The following SPATS2 variants were observed in gnomAD, a reference collection of about 807,000 sequenced individuals.
SPATS2 encodes the protein spermatogenesis associated serine rich 2.
In SPATS2, 38 loss-of-function variants were observed where a neutral mutation model predicts 63.7. That is an observed-to-expected ratio of 0.60 (90% CI 0.46 to 0.78). The LOEUF (loss-of-function observed/expected upper bound fraction) is 0.78, where lower values mean the gene tolerates loss of function less well. Among genes scored for constraint, SPATS2 ranks in the 30% least tolerant of loss-of-function variants. SPATS2 has a pLI of 0.00. For synonymous variants in SPATS2, 207 were observed against 232.9 expected, an observed-to-expected ratio of 0.89 and a Z score of 1.01; for missense variants, 588 against 666.2, an observed-to-expected ratio of 0.88 and a Z score of 1.29.
At chr12:49,513,268 G>A (rs1240857082) in intron 9 of SPATS2, among the ~76,000 whole-genome samples, 1 of 151,934 alleles carries the variant, frequency 6.6e-6, no homozygotes, top group Admixed American at 6.6e-5. Context: ...AACAAGAGTG[G>A]AACTTTTATT....
At chr12:49,389,944 AAT>A in intron 2 of SPATS2, 1 of 804,264 alleles carries the variant, frequency 1.2e-6, no homozygotes. Context: ...AGATAAATGA[AAT>A]ATGGCAGCAG....
At chr12:49,410,915 G>A (rs753116374) in intron 2 of SPATS2, among the ~76,000 whole-genome samples, 3 of 151,056 alleles carry the variant, frequency 2.0e-5, no homozygotes, top group Non-Finnish European at 4.4e-5. Context: ...GTGAGTTTTA[G>A]TGTGTTCCTG....
At chr12:49,426,926 A>C (rs1945088254) in intron 2 of SPATS2, among the ~76,000 whole-genome samples, 1 of 152,156 alleles carries the variant, frequency 6.6e-6, no homozygotes, top group Non-Finnish European at 1.5e-5. Flanking sequence ...TGGTTTTTGG[A>C]CTTACAGATA....
At chr12:49,368,900 G>A (rs923279342) in intron 1 of SPATS2, among the ~76,000 whole-genome samples, 2 of 152,070 alleles carry the variant, frequency 1.3e-5, no homozygotes, top group African/African-American at 4.8e-5. Flanking sequence ...GCTAGGTCTT[G>A]GATGGTAGCA....
intron 2 of SPATS2, among the ~76,000 whole-genome samples, chr12:49,391,737 A>G (rs1484917595): frequency 1.3e-5 from 2 of 152,150 alleles, no homozygotes; most frequent in African/African-American, 2.4e-5. Flanking sequence ...CTTTGAGTAT[A>G]TAATTTTTTA....
intron 3 of SPATS2, among the ~76,000 whole-genome samples, chr12:49,479,320 C>T (rs1222299735): frequency 3.3e-5 from 5 of 152,236 alleles, no homozygotes; most frequent in African/African-American, 9.6e-5. Context: ...CCCCCTTCTG[C>T]CCAAGAATCT....
At chr12:49,440,617 C>CA (rs973304488) in intron 2 of SPATS2, among the ~76,000 whole-genome samples, 10 of 152,006 alleles carry the variant, frequency 6.6e-5, no homozygotes, top group Admixed American at 2.6e-4. Context: ...GACAGGCGCA[C>CA]ACCACCACGG....
intron 2 of SPATS2, among the ~76,000 whole-genome samples, chr12:49,456,337 A>G (rs2137647605): frequency 1.3e-5 from 2 of 152,346 alleles, no homozygotes; most frequent in South Asian, 4.1e-4. Flanking sequence ...GGGAAATAAC[A>G]TTCCTGGCAG....
intron 9 of SPATS2, among the ~76,000 whole-genome samples, chr12:49,512,681 GCTTA>G (rs980955902): frequency 2.0e-5 from 3 of 152,130 alleles, no homozygotes; most frequent in African/African-American, 2.4e-5. Flanking sequence ...GCTGCAAAAG[GCTTA>G]CTTGTTTGCT....
At chr12:49,423,096 AC>A (rs1056528207) in intron 2 of SPATS2, among the ~76,000 whole-genome samples, 7 of 150,104 alleles carry the variant, frequency 4.7e-5, no homozygotes, top group Admixed American at 4.6e-4. Flanking sequence ...TTGGGGGAAA[AC>A]CCCTTTTGCT....
chr12:49,496,335 A>G (rs1195830829), intron 7 of SPATS2, among the ~76,000 whole-genome samples: 1 of 151,876 alleles, frequency 6.6e-6, no homozygotes, highest in Non-Finnish European at 1.5e-5. Flanking sequence ...CTGGTCTTAA[A>G]CTCCTGTGCT....
At chr12:49,406,321 G>A (rs1282390332) in intron 2 of SPATS2, among the ~76,000 whole-genome samples, 1 of 148,904 alleles carries the variant, frequency 6.7e-6, no homozygotes, top group African/African-American at 2.5e-5. Context: ...CTCTTGCTCT[G>A]TTACCTAGGC....
intron 3 of SPATS2, among the ~76,000 whole-genome samples, chr12:49,481,929 T>TTA (rs1200210496): frequency 6.6e-6 from 1 of 152,202 alleles, no homozygotes; most frequent in Non-Finnish European, 1.5e-5. Context: ...AAATCCTGCC[T>TTA]TATTTCTTAC....
At chr12:49,415,000 C>T (rs144362408) in intron 2 of SPATS2, among the ~76,000 whole-genome samples, 1,877 of 143,530 alleles carry the variant, frequency 0.013, 34 homozygotes, top group African/African-American at 0.045. Flanking sequence ...AGTGCAGTGG[C>T]GGGATCTCGG....
At chr12:49,456,654 A>G (rs1410122642) in intron 2 of SPATS2, among the ~76,000 whole-genome samples, 1 of 152,228 alleles carries the variant, frequency 6.6e-6, no homozygotes, top group African/African-American at 2.4e-5. Flanking sequence ...CAAGGGTAGT[A>G]GCAGTGGATG....
intron 2 of SPATS2, among the ~76,000 whole-genome samples, chr12:49,404,672 T>TA (rs1944664253): frequency 6.6e-6 from 1 of 152,090 alleles, no homozygotes; most frequent in Admixed American, 6.6e-5. Context: ...CAGCCACAGG[T>TA]ATGCTGTCTT....
At chr12:49,462,698 G>T (rs1472700077) in intron 3 of SPATS2, 1 of 547,316 alleles carries the variant, frequency 1.8e-6, no homozygotes, top group Non-Finnish European at 3.3e-6. Context: ...AGCTGAAAAG[G>T]GGTTGGTGGG....
At chr12:49,432,523 CATT>C (rs1446879436) in intron 2 of SPATS2, among the ~76,000 whole-genome samples, 4 of 152,216 alleles carry the variant, frequency 2.6e-5, no homozygotes, top group Non-Finnish European at 4.4e-5. Flanking sequence ...AGTATATTCA[CATT>C]GTTGTATAAC....
chr12:49,394,784 T>C (rs1254850156), intron 2 of SPATS2, among the ~76,000 whole-genome samples: 2 of 152,258 alleles, frequency 1.3e-5, no homozygotes, highest in African/African-American at 4.8e-5. Flanking sequence ...ATAAAGACAA[T>C]TTTAAGGCCG....
Sources: gnomAD v4.1 joint callset for allele counts (sites outside exome capture counted in the v4.1 genomes callset) on GRCh38, gnomAD v4.1.1 for gene constraint, MANE v1.5 for transcripts, NCBI Gene and HGNC (gene_info 2026-07-23, HGNC 2026-07-21) for gene names.